Variants in TMEM135 observed in about 807,000 individuals in gnomAD.
The protein encoded by TMEM135 is transmembrane protein 135.
TMEM135 carries 30 observed loss-of-function variants against 60.3 expected under a neutral mutation model. The ratio of observed to expected loss-of-function variants is 0.50; its 90% CI spans 0.37 to 0.68. The LOEUF (loss-of-function observed/expected upper bound fraction) is 0.68, where lower values mean the gene tolerates loss of function less well. Among genes scored for constraint, TMEM135 ranks in the 30% least tolerant of loss-of-function variants. The pLI is 0.00. For synonymous variants in TMEM135, 190 were observed against 186.7 expected, an observed-to-expected ratio of 1.02 and a Z score of -0.14; for missense variants, 468 against 548.8, an observed-to-expected ratio of 0.85 and a Z score of 1.47.
At chr11:87,183,171 CTTGCTCTG>C (rs1417618598) in intron 5 of TMEM135, among the ~76,000 whole-genome samples, 1 of 112,662 alleles carries the variant, frequency 8.9e-6, no homozygotes, top group Non-Finnish European at 1.7e-5. Context: ...GAGACAGAGT[CTTGCTCTG>C]TCGCCCAGGC....
At chr11:87,109,472 C>T (rs1857686884) in intron 4 of TMEM135, among the ~76,000 whole-genome samples, 2 of 152,162 alleles carry the variant, frequency 1.3e-5, no homozygotes, top group African/African-American at 4.8e-5. Flanking sequence ...GTGTACTGTG[C>T]TCACCTTCCT....
chr11:87,047,441 G>A (rs373231215), intron 1 of TMEM135, among the ~76,000 whole-genome samples: 11,087 of 151,168 alleles, frequency 0.073, 453 homozygotes, highest in Non-Finnish European at 0.087. Context: ...GACAGTGGGC[G>A]CAGGCCAGTG....
intron 6 of TMEM135, among the ~76,000 whole-genome samples, chr11:87,241,644 T>C (rs1206647075): frequency 6.6e-6 from 1 of 152,048 alleles, no homozygotes; most frequent in Non-Finnish European, 1.5e-5. Flanking sequence ...CAAACTCCAC[T>C]ACCCTCCACC....
intron 5 of TMEM135, among the ~76,000 whole-genome samples, chr11:87,202,018 ATGT>A (rs1399037399): frequency 8.0e-6 from 1 of 125,564 alleles, no homozygotes; most frequent in East Asian, 2.4e-4. Context: ...ATGTAATGTT[ATGT>A]TATGTTTTAC....
At chr11:87,235,245 G>A (rs146433902) in intron 5 of TMEM135, among the ~76,000 whole-genome samples, 7 of 151,728 alleles carry the variant, frequency 4.6e-5, no homozygotes, top group Non-Finnish European at 7.4e-5. Context: ...TCATGGATAG[G>A]GTGTTTTAAG....
chr11:87,318,863 CT>C (rs1017198945), intron 13 of TMEM135, among the ~76,000 whole-genome samples: 47 of 143,988 alleles, frequency 3.3e-4, no homozygotes, highest in African/African-American at 6.8e-4. Context: ...TCAAAAGTGA[CT>C]TTTTTTTTTC....
intron 7 of TMEM135, 50 bp from the exon 8 acceptor site, chr11:87,302,246 A>G (rs928080343): frequency 6.3e-7 from 1 of 1,574,910 alleles, no homozygotes; most frequent in African/African-American, 1.4e-5. Context: ...TTTTTTCCTC[A>G]TTGACTATTT....
chr11:87,220,820 A>T (rs1327710233), intron 5 of TMEM135, among the ~76,000 whole-genome samples: 1 of 152,210 alleles, frequency 6.6e-6, no homozygotes, highest in African/African-American at 2.4e-5. Context: ...TAAAAATCTT[A>T]ACCATGAAAT....
At chr11:87,091,334 A>C in intron 3 of TMEM135, 28 bp from the exon 4 acceptor site, 1 of 1,599,618 alleles carries the variant, frequency 6.3e-7, no homozygotes, top group Non-Finnish European at 8.6e-7. Context: ...ATTGAAGTTT[A>C]ATATCTTCCT....
intron 5 of TMEM135, among the ~76,000 whole-genome samples, chr11:87,213,688 T>C (rs950819331): frequency 2.0e-5 from 3 of 152,236 alleles, no homozygotes; most frequent in Non-Finnish European, 2.9e-5. Context: ...TAGTAGGTAG[T>C]TTCTGTTTTG....
At position 87,323,625 on chromosome 11, in the gene TMEM135, C is replaced by T. The variant is rs1481716866; in HGVS notation, c.*2292C>T. ...TAATATGTCCCCTTAGTCTTTCTGA[C>T]ATTTTTATATAGATTGAGATTGAAA... On this transcript the variant is annotated 3_prime_UTR_variant, in exon 15 of 15. Coordinates refer to ENST00000305494, the MANE Select transcript of TMEM135 (RefSeq NM_022918.4). 1 of 453,818 alleles carries T rather than the reference C, an allele frequency of 2.2e-6. No individual in the cohort carries two copies. Among genetic ancestry groups the T allele is most frequent in the Admixed American group, 2.4e-5 (1 of 42,536 alleles). 28.1% of individuals were successfully genotyped at this position (453,818 alleles called of 1,614,324 possible). A position where few individuals can be genotyped will look rare whatever the true frequency, so the allele number is the denominator to read the frequency against.
chr11:87,080,831 C>G (rs1188768618), intron 3 of TMEM135, among the ~76,000 whole-genome samples: 2 of 152,074 alleles, frequency 1.3e-5, no homozygotes, highest in African/African-American at 2.4e-5. Flanking sequence ...GGATTACAGG[C>G]ACGTGCCACC....
At chr11:87,175,287 A>C (rs1429922258) in intron 5 of TMEM135, among the ~76,000 whole-genome samples, 1 of 152,222 alleles carries the variant, frequency 6.6e-6, no homozygotes, top group Non-Finnish European at 1.5e-5. Flanking sequence ...TCTTTCTGGA[A>C]TATTTTATCC....
chr11:87,067,920 G>C (rs186192554), intron 2 of TMEM135, 99 bp downstream of exon 2: 2 of 1,442,478 alleles, frequency 1.4e-6, no homozygotes, highest in African/African-American at 1.4e-5. Context: ...TACTATCCCC[G>C]CCCCCCCTTT....
intron 11 of TMEM135, 38 bp downstream of exon 11, chr11:87,313,526 TAATCA>T: frequency 6.6e-7 from 1 of 1,503,850 alleles, no homozygotes. Context: ...ATTATTGTAT[TAATCA>T]GTGGTAGGAA....
chr11:87,265,469 A>G (rs1165921748), intron 6 of TMEM135, among the ~76,000 whole-genome samples: 3 of 151,890 alleles, frequency 2.0e-5, no homozygotes, highest in Admixed American at 6.6e-5. Flanking sequence ...TTACTCCTCA[A>G]TGTTTTCTCT....
chr11:87,302,277 A>T lies in TMEM135; in HGVS notation c.552-19A>T, dbSNP rs745548250. 1 of 1,613,110 alleles carries T rather than the reference A, an allele frequency of 6.2e-7. No homozygotes were observed. The highest frequency in any genetic ancestry group is 1.3e-5 in the African/African-American group (1 of 74,824). On this transcript the variant is annotated intron_variant, in intron 7 of 14. Transcript: ENST00000305494. ...TATTTTTAAGTGAAAAATGCCTCAC[A>T]TTGTGCTCTTTTCTTTAGGTTCATT...
chr11:87,214,385 GT>G (rs1940451702), intron 5 of TMEM135, among the ~76,000 whole-genome samples: 1 of 152,024 alleles, frequency 6.6e-6, no homozygotes, highest in Non-Finnish European at 1.5e-5. Flanking sequence ...GTGCAGTACA[GT>G]TTTTCTGGTG....
chr11:87,079,803 A>G (rs1052902935), intron 3 of TMEM135, among the ~76,000 whole-genome samples: 1 of 149,470 alleles, frequency 6.7e-6, no homozygotes, highest in African/African-American at 2.5e-5. Context: ...GCATCTATTG[A>G]TAAGATCATA....
Sources: gnomAD v4.1 joint callset for allele counts (sites outside exome capture counted in the v4.1 genomes callset) on GRCh38, gnomAD v4.1.1 for gene constraint, MANE v1.5 for transcripts, NCBI Gene and HGNC (gene_info 2026-07-23, HGNC 2026-07-21) for gene names.